Variants in LYZL1 observed in about 807,000 individuals in gnomAD.
The protein encoded by LYZL1 is lysozyme like 1.
LYZL1 carries 16 observed loss-of-function variants against 17.9 expected under a neutral mutation model. That is an observed-to-expected ratio of 0.90 (90% CI 0.61 to 1.36). LYZL1 has a LOEUF of 1.36. LYZL1 is among the 40% of genes most tolerant of loss of function. LYZL1 has a pLI of 0.00. For missense variants in LYZL1, 149 were observed against 188.4 expected (o/e 0.79, Z 1.22); for synonymous variants, 58 against 71.8 (o/e 0.81, Z 0.97).
At chr10:29,292,790 T>G in intron 3 of LYZL1, 113 bp downstream of exon 3, 1 of 1,474,530 alleles carries the variant, frequency 6.8e-7, no homozygotes, top group Non-Finnish European at 9.1e-7. Context: ...GGCTTGCAAA[T>G]AGGTCTGTTC....
chr10:29,310,087 C>A (rs200062429), intron 3 of LYZL1, 23 bp from the exon 4 acceptor site: 2 of 1,577,338 alleles, frequency 1.3e-6, no homozygotes, highest in Non-Finnish European at 1.7e-6. Flanking sequence ...TCGCCTAACC[C>A]TGATGTCTTC....
At chr10:29,312,438 T>C (rs1013066519), downstream of LYZL1, among the ~76,000 whole-genome samples, 1 of 152,136 alleles carries the variant, frequency 6.6e-6, no homozygotes, top group African/African-American at 2.4e-5. Context: ...ATTTTATGTG[T>C]GGCCCAAGAC....
At chr10:29,297,682 A>G (rs1047339350) in intron 3 of LYZL1, among the ~76,000 whole-genome samples, 3 of 152,190 alleles carry the variant, frequency 2.0e-5, no homozygotes, top group Admixed American at 1.3e-4. Flanking sequence ...AAAACATAGT[A>G]TATGTAGAAT....
intron 3 of LYZL1, 132 bp downstream of exon 3, chr10:29,292,809 T>C (rs780929880): frequency 1.5e-6 from 2 of 1,345,774 alleles, no homozygotes. Flanking sequence ...TCCAGATTGG[T>C]AAATTATGCA....
chr10:29,307,356 A>G (rs1835609695), intron 3 of LYZL1, among the ~76,000 whole-genome samples: 1 of 152,194 alleles, frequency 6.6e-6, no homozygotes, highest in Non-Finnish European at 1.5e-5. Flanking sequence ...GAGTGAGATC[A>G]TGTGGTATTT....
intron 2 of LYZL1, among the ~76,000 whole-genome samples, 182 bp downstream of exon 2, chr10:29,292,188 T>C (rs1438732936): frequency 1.3e-5 from 2 of 150,402 alleles, no homozygotes; most frequent in African/African-American, 2.4e-5. Context: ...CCCCTGCCCC[T>C]CATTTCCTTA....
intron 3 of LYZL1, among the ~76,000 whole-genome samples, chr10:29,303,013 A>G (rs953451547): frequency 8.5e-5 from 13 of 152,158 alleles, no homozygotes; most frequent in Non-Finnish European, 1.3e-4. Flanking sequence ...TGTGCTGAGG[A>G]TTCAGCAAGG....
At chr10:29,307,390 C>T (rs1835610267) in intron 3 of LYZL1, among the ~76,000 whole-genome samples, 1 of 152,216 alleles carries the variant, frequency 6.6e-6, no homozygotes, top group Non-Finnish European at 1.5e-5. Flanking sequence ...TTCCTTCCTT[C>T]ACTTAGCACG....
At chr10:29,297,801 G>A (rs896134724) in intron 3 of LYZL1, among the ~76,000 whole-genome samples, 5 of 152,022 alleles carry the variant, frequency 3.3e-5, no homozygotes, top group Admixed American at 1.3e-4. Flanking sequence ...ATACAATTTC[G>A]GAACATGATA....
chr10:29,303,501 G>A (rs1398151140), intron 3 of LYZL1, among the ~76,000 whole-genome samples: 3 of 152,080 alleles, frequency 2.0e-5, no homozygotes, highest in African/African-American at 7.2e-5. Flanking sequence ...TGGTCATGTT[G>A]GACTTTAAAT....
intron 3 of LYZL1, among the ~76,000 whole-genome samples, chr10:29,304,664 A>G (rs1430264902): frequency 6.6e-6 from 1 of 152,166 alleles, no homozygotes; most frequent in East Asian, 1.9e-4. Flanking sequence ...TTGAGCAGAA[A>G]CAATTACTGG....
chr10:29,289,257 A>C, intron 1 of LYZL1, 27 bp downstream of exon 1: 2 of 442,100 alleles, frequency 4.5e-6, no homozygotes, highest in Non-Finnish European at 3.0e-6. Context: ...TCTTATGAGA[A>C]CCAGCAATGG....
At chr10:29,301,124 G>A (rs1222806519) in intron 3 of LYZL1, among the ~76,000 whole-genome samples, 1 of 152,136 alleles carries the variant, frequency 6.6e-6, no homozygotes, top group Non-Finnish European at 1.5e-5. Flanking sequence ...AATTATGGGG[G>A]CAGTTCTTTC....
downstream of LYZL1, among the ~76,000 whole-genome samples, chr10:29,316,060 C>G (rs191277094): frequency 1.3e-5 from 2 of 152,186 alleles, no homozygotes; most frequent in Admixed American, 1.3e-4. Flanking sequence ...ACAGCGATGT[C>G]AGGGGAAGGA....
rs984457432 is a variant in LYZL1, at chr10:29,293,568, G to A, written c.298+891G>A. ...CATCAGGCATGAATTCTGCTTTACCGAACTTTCATGTGACATGACAAGAAA... is the reference window on the plus strand; with the variant it reads ...CATCAGGCATGAATTCTGCTTTACCAAACTTTCATGTGACATGACAAGAAA... On this transcript the variant is annotated intron_variant, in intron 3 of 4. Transcript: ENST00000649382. Among the ~76,000 whole-genome samples the A allele has an allele frequency of 7.2e-5, 11 of 152,098 alleles. No individual in the cohort carries two copies. The South Asian group carries it at 8.3e-4, about 11-fold the overall frequency.
chr10:29,291,745 A>G (rs1835368374), intron 1 of LYZL1, 98 bp from the exon 2 acceptor site: 1 of 1,370,550 alleles, frequency 7.3e-7, no homozygotes, highest in East Asian at 2.3e-5. Context: ...GACCAAAGTG[A>G]CAGGCAGCAT....
intron 1 of LYZL1, among the ~76,000 whole-genome samples, chr10:29,289,497 T>C (rs1332086478): frequency 6.0e-5 from 9 of 150,662 alleles, no homozygotes; most frequent in African/African-American, 2.2e-4. Context: ...TGGCTCACTA[T>C]GGCCTCAAAC....
intron 3 of LYZL1, among the ~76,000 whole-genome samples, chr10:29,304,925 G>T (rs76646667): frequency 5.1e-4 from 77 of 152,294 alleles, no homozygotes; most frequent in African/African-American, 1.8e-3. Flanking sequence ...TGTACTCGGT[G>T]TCCACTTCCT....
chr10:29,317,323 A>T (rs1159205231), exon 4 of LYZL1: 1 of 152,180 alleles, frequency 6.6e-6, no homozygotes, highest in East Asian at 1.9e-4. Context: ...TCCTCAGCAC[A>T]TGTTCTTCAT....
Sources: gnomAD v4.1 joint callset for allele counts (sites outside exome capture counted in the v4.1 genomes callset) on GRCh38, gnomAD v4.1.1 for gene constraint, MANE v1.5 for transcripts, NCBI Gene and HGNC (gene_info 2026-07-23, HGNC 2026-07-21) for gene names.